Variants in STK3 observed in about 807,000 individuals in gnomAD.
The protein encoded by STK3 is serine/threonine-protein kinase 3.
Under a neutral mutation model 58.0 loss-of-function variants are expected in STK3, and 41 were observed. That is an observed-to-expected ratio of 0.71 (90% confidence interval 0.55 to 0.92). The LOEUF is 0.92. Among genes scored for constraint, STK3 ranks in the 40% least tolerant of loss-of-function variants. STK3 has a pLI of 0.00. For synonymous variants in STK3, 170 were observed against 191.0 expected (o/e 0.89, Z 0.91); for missense variants, 479 against 602.7 (o/e 0.79, Z 2.15).
intron 9 of STK3, among the ~76,000 whole-genome samples, chr8:98,541,756 A>G (rs1278345628): frequency 2.0e-5 from 3 of 152,168 alleles, no homozygotes; most frequent in East Asian, 1.9e-4. Context: ...CTTTCCTAAT[A>G]TCCTAAGATA....
intron 2 of STK3, chr8:98,436,582 A>C (rs1345044759): frequency 6.6e-6 from 1 of 152,190 alleles, no homozygotes; most frequent in Non-Finnish European, 1.5e-5. Flanking sequence ...CTGGCAGCTG[A>C]GTAATTGCCA....
intron 8 of STK3, among the ~76,000 whole-genome samples, chr8:98,562,269 T>C (rs1412635731): frequency 1.3e-5 from 2 of 152,142 alleles, no homozygotes; most frequent in African/African-American, 4.8e-5. Flanking sequence ...CTATTGAAGA[T>C]GGCCTTCAAT....
At chr8:98,782,602 G>C (rs1832167501) in intron 1 of STK3, 1 of 261,636 alleles carries the variant, frequency 3.8e-6, no homozygotes, top group African/African-American at 2.3e-5. Flanking sequence ...TCAAGACTTT[G>C]TCCAAGGAGG....
At chr8:98,562,737 G>GAAAAAAAAAA (rs778049177) in intron 8 of STK3, among the ~76,000 whole-genome samples, 1 of 17,386 alleles carries the variant, frequency 5.8e-5, no homozygotes. Flanking sequence ...CACAAAAAAT[G>GAAAAAAAAAA]AAAAAAAAAA....
chr8:98,770,675 T>C (rs920463679), intron 2 of STK3, among the ~76,000 whole-genome samples: 3 of 152,178 alleles, frequency 2.0e-5, no homozygotes, highest in African/African-American at 7.2e-5. Context: ...CTAACTATGT[T>C]GACAAAAAGG....
intron 4 of STK3, among the ~76,000 whole-genome samples, chr8:98,712,556 A>G (rs1189692377): frequency 9.2e-5 from 14 of 151,522 alleles, no homozygotes; most frequent in African/African-American, 9.7e-5. Context: ...CATAATGGTA[A>G]AGGGATCAAT....
chr8:98,662,805 C>A (rs1822059454), intron 6 of STK3, among the ~76,000 whole-genome samples: 1 of 151,992 alleles, frequency 6.6e-6, no homozygotes, highest in Admixed American at 6.6e-5. Flanking sequence ...AGGTATATCT[C>A]CTAATGCTAT....
At chr8:98,462,155 TG>T (rs2131172002) in intron 10 of STK3, among the ~76,000 whole-genome samples, 2 of 152,310 alleles carry the variant, frequency 1.3e-5, no homozygotes, top group South Asian at 4.1e-4. Flanking sequence ...GTAACCCTGT[TG>T]TGCTATCAAA....
intron 8 of STK3, among the ~76,000 whole-genome samples, chr8:98,568,543 G>C (rs1451498601): frequency 1.3e-5 from 2 of 152,150 alleles, no homozygotes; most frequent in Non-Finnish European, 2.9e-5. Context: ...GGTAATTTTA[G>C]TGCTTCTCTC....
intron 3 of STK3, among the ~76,000 whole-genome samples, chr8:98,874,407 C>G (rs1446382526): frequency 6.6e-6 from 1 of 152,082 alleles, no homozygotes; most frequent in Non-Finnish European, 1.5e-5. Flanking sequence ...TTATGTCAGA[C>G]TTCTGGCCTC....
chr8:98,455,141 TA>T lies in STK3; in HGVS notation c.*700del, dbSNP rs982823087. ...TTAAACACGATAGATCTATTTTACC[TA>T]AATATATATAGTTCTATTTGTACCA... is the stretch of plus-strand genomic sequence containing the variant. On this transcript the variant is annotated 3_prime_UTR_variant, in exon 11 of 11. Coordinates refer to ENST00000419617, the MANE Select transcript of STK3 (RefSeq NM_006281.4). 4 of 152,582 alleles carry T rather than the reference TA, an allele frequency of 2.6e-5. No individual in the cohort carries two copies. Among genetic ancestry groups the T allele is most frequent in the African/African-American group, 9.7e-5 (4 of 41,432 alleles). 9.5% of individuals were successfully genotyped at this position (152,582 alleles called of 1,614,324 possible). A position where few individuals can be genotyped will look rare whatever the true frequency, so the allele number is the denominator to read the frequency against.
chr8:98,895,471 G>T (rs1564088769), intron 1 of STK3, among the ~76,000 whole-genome samples: 1 of 152,168 alleles, frequency 6.6e-6, no homozygotes, highest in Non-Finnish European at 1.5e-5. Flanking sequence ...GGTTAGACTG[G>T]ATTTGAGCTT....
At chr8:98,900,187 C>G (rs1466097604) in intron 1 of STK3, among the ~76,000 whole-genome samples, 1 of 152,038 alleles carries the variant, frequency 6.6e-6, no homozygotes, top group East Asian at 1.9e-4. Flanking sequence ...AGTGATTCTC[C>G]TGCCTCAGCC....
chr8:98,736,543 T>A (rs937296200), intron 4 of STK3, among the ~76,000 whole-genome samples: 1 of 152,216 alleles, frequency 6.6e-6, no homozygotes, highest in Non-Finnish European at 1.5e-5. Context: ...TTAAAAGACA[T>A]GTAACTTAAT....
chr8:98,665,080 A>G lies in STK3; in HGVS notation c.684+41387T>C, dbSNP rs182524824. Reference sequence around the variant, plus strand: ...AGAAGGCAAATTCCCAGAAAGAATGAAAAGTGTAAGAATGTATGTGCACTA... The same window carrying G: ...AGAAGGCAAATTCCCAGAAAGAATGGAAAGTGTAAGAATGTATGTGCACTA... On this transcript the variant is annotated intron_variant, in intron 6 of 10. Coordinates refer to ENST00000419617, the MANE Select transcript of STK3 (RefSeq NM_006281.4). Among the ~76,000 whole-genome samples, 23 of 152,366 alleles carry G rather than the reference A, an allele frequency of 1.5e-4. No individual in the cohort carries two copies. In the East Asian group the frequency reaches 4.0e-3, roughly 27 times the overall value.
downstream of STK3, chr8:98,879,333 G>C (rs1837706957): frequency 6.6e-6 from 1 of 152,068 alleles, no homozygotes; most frequent in Non-Finnish European, 1.5e-5. Flanking sequence ...TTTTTGATCT[G>C]AGGTTGGTTG....
chr8:98,365,037 C>T, the STK3 span, among the ~76,000 whole-genome samples: 1 of 152,178 alleles, frequency 6.6e-6, no homozygotes, highest in African/African-American at 2.4e-5. Flanking sequence ...TGTTGCTGGT[C>T]CCCAGAGCCT....
intron 3 of STK3, among the ~76,000 whole-genome samples, chr8:98,751,729 C>T (rs1829997175): frequency 6.6e-6 from 1 of 152,160 alleles, no homozygotes; most frequent in Admixed American, 6.5e-5. Flanking sequence ...CACTTGAGGT[C>T]AGGAGTTTCA....
intron 9 of STK3, among the ~76,000 whole-genome samples, chr8:98,536,340 C>A (rs1809762021): frequency 6.6e-6 from 1 of 152,030 alleles, no homozygotes; most frequent in East Asian, 1.9e-4. Flanking sequence ...CTAATCCCAG[C>A]ATTTTGGGAG....
Sources: gnomAD v4.1 joint callset for allele counts (sites outside exome capture counted in the v4.1 genomes callset) on GRCh38, gnomAD v4.1.1 for gene constraint, MANE v1.5 for transcripts, NCBI Gene and HGNC (gene_info 2026-07-23, HGNC 2026-07-21) for gene names.